SBNO2: variants seen among roughly 807,000 people sequenced by gnomAD.
SBNO2 encodes the protein strawberry notch homolog 2.
Under a neutral mutation model 146.3 loss-of-function variants are expected in SBNO2, and 89 were observed. The ratio of observed to expected loss-of-function variants is 0.61; its 90% CI spans 0.51 to 0.73. SBNO2 has a LOEUF of 0.73. Ranked by LOEUF, SBNO2 falls within the 30% of genes least tolerant of loss-of-function variation. SBNO2 has a pLI of 0.00. For synonymous variants in SBNO2, 1,147 were observed against 892.6 expected (o/e 1.29, Z -5.08); for missense variants, 2,092 against 2,003.7 (o/e 1.04, Z -0.84).
intron 5 of SBNO2, 67 bp from the exon 6 acceptor site, chr19:1,124,089 C>G (rs769101487): frequency 6.8e-7 from 1 of 1,471,542 alleles, no homozygotes; most frequent in African/African-American, 1.4e-5. Flanking sequence ...GCCCTCGCAG[C>G]CTGGCCACCA....
rs751023334 is a variant in SBNO2, at chr19:1,122,292, CACAGA to C, written c.1006-15_1006-11del. 22 of 1,553,340 alleles carry C rather than the reference CACAGA, an allele frequency of 1.4e-5. No homozygotes were observed. The Middle Eastern group carries it at 1.9e-3, about 133-fold the overall frequency. On this transcript the variant is annotated splice_polypyrimidine_tract_variant and intron_variant, in intron 10 of 31. Transcript: ENST00000361757. ...TGTCACCGTACTTGATCTGGGGATGCACAGAACAGGTGTGGAATGGGGCCCCGGCT... is the reference window on the plus strand; with the variant it reads ...TGTCACCGTACTTGATCTGGGGATGCACAGGTGTGGAATGGGGCCCCGGCT...
chr19:1,139,802 A>G (rs2080118475), intron 4 of SBNO2, among the ~76,000 whole-genome samples: 1 of 151,784 alleles, frequency 6.6e-6, no homozygotes, highest in African/African-American at 2.4e-5. Context: ...CTCAAAAATA[A>G]ATAAATATGG....
In SBNO2 at chr19:1,158,893, A is replaced by ACAGCCGCGACCCCACCTG. The variant is rs1568633658; in HGVS notation, c.-126-4509_-126-4492dup. On this transcript the variant is annotated intron_variant, in intron 1 of 31. Transcript: ENST00000361757. The surrounding 1 kb of genome is among the most constrained non-coding windows in gnomAD (Gnocchi z 9.9). ...CTCCTGCAGCTGTGACCGCCGCCCC[A>ACAGCCGCGACCCCACCTG]CAGCCGCGACCCCACCTGCAGCCGT... Among the ~76,000 whole-genome samples, 2 of 151,342 alleles carry ACAGCCGCGACCCCACCTG rather than the reference A, an allele frequency of 1.3e-5. No homozygotes were observed. The highest frequency in any genetic ancestry group is 1.3e-4 in the Admixed American group (2 of 15,216).
At position 1,122,489 on chromosome 19, in the gene SBNO2, G is replaced by T; in HGVS notation, c.984C>A (p.Ile328=). The T allele has an allele frequency of 6.4e-7, 1 of 1,573,554 alleles. No homozygotes were observed. Residue 328 remains isoleucine (I), a synonymous_variant, in exon 10 of 32, where the codon ATC becomes ATA. Coordinates refer to ENST00000361757, the MANE Select transcript of SBNO2 (RefSeq NM_014963.3). ...RDLRDIEATG[I]AVHALSKIKY... ...CTACCTTGCTGAGCGCGTGCACCGC[G>T]ATGCCCGTGGCTTCGATGTCCCGCA... is the stretch of plus-strand genomic sequence containing the variant.
In SBNO2 at chr19:1,108,174, G is replaced by A. The variant is rs779707635; in HGVS notation, c.*46C>T. 1.0e-5 allele frequency: 15 copies of A among 1,493,976 alleles called. No individual in the cohort carries two copies. The highest frequency in any genetic ancestry group is 4.2e-5 in the Admixed American group (2 of 47,414). The allele number at this position is 1,493,976 out of a possible 1,614,324, so 92.5% of individuals were successfully genotyped here. A position where few individuals can be genotyped will look rare whatever the true frequency, so the allele number is the denominator to read the frequency against. On this transcript the variant is annotated 3_prime_UTR_variant, in exon 32 of 32. Transcript: ENST00000361757. ...CTGCTCCCCACCGCTGCTCCTAGGGGAGAAACGGTCCCTGTGTCTTGGGGC... is the reference window on the plus strand; with the variant it reads ...CTGCTCCCCACCGCTGCTCCTAGGGAAGAAACGGTCCCTGTGTCTTGGGGC...
chr19:1,122,073 C>T lies in SBNO2; in HGVS notation c.1149+66G>A, dbSNP rs1283851868. 5 of 1,179,574 alleles carry T rather than the reference C, an allele frequency of 4.2e-6. No homozygotes were observed. In the East Asian group the frequency reaches 1.6e-4, roughly 37 times the overall value. 73.1% of individuals were successfully genotyped at this position (1,179,574 alleles called of 1,614,324 possible). A position where few individuals can be genotyped will look rare whatever the true frequency, so the allele number is the denominator to read the frequency against. On this transcript the variant is annotated intron_variant, in intron 11 of 31. Coordinates refer to ENST00000361757, the MANE Select transcript of SBNO2 (RefSeq NM_014963.3). ...CTCCCACCCCTCCTCTCCCACTCCTCCATCCTCCTTTTCCCTCCGACCCCC... is the reference window on the plus strand; with the variant it reads ...CTCCCACCCCTCCTCTCCCACTCCTTCATCCTCCTTTTCCCTCCGACCCCC...
chr19:1,151,417 C>T (rs1343362891), intron 2 of SBNO2, among the ~76,000 whole-genome samples: 1 of 152,180 alleles, frequency 6.6e-6, no homozygotes, highest in East Asian at 1.9e-4. Context: ...TCCTGACTGC[C>T]TCTATCCCCC....
At chr19:1,129,738 G>A (rs984559812) in intron 4 of SBNO2, among the ~76,000 whole-genome samples, 1 of 152,224 alleles carries the variant, frequency 6.6e-6, no homozygotes, top group Non-Finnish European at 1.5e-5. Flanking sequence ...AGGAGCGGGG[G>A]TGAGTTGCTA....
rs1019351065 is a variant in SBNO2 at position 1,110,114 on chromosome 19, G to A, written c.3029-337C>T. 1.3e-5 allele frequency among the ~76,000 whole-genome samples: 2 copies of A among 151,906 alleles called. No individual in the cohort carries two copies. Among genetic ancestry groups the A allele is most frequent in the Admixed American group, 6.6e-5 (1 of 15,266 alleles). ...GGTAACCCCAAGCAGGCTGTGAGGAGATTGTAGGAGCCTGGGGGCTGCTCA... is the reference window on the plus strand; with the variant it reads ...GGTAACCCCAAGCAGGCTGTGAGGAAATTGTAGGAGCCTGGGGGCTGCTCA... On this transcript the variant is annotated intron_variant, in intron 26 of 31. Transcript: ENST00000361757. The surrounding 1 kb of genome is among the most constrained non-coding windows in gnomAD (Gnocchi z 4.9).
intron 2 of SBNO2, among the ~76,000 whole-genome samples, chr19:1,153,343 T>C (rs1031665751): frequency 6.6e-6 from 1 of 151,418 alleles, no homozygotes; most frequent in African/African-American, 2.4e-5. Context: ...GTTCAAGCGA[T>C]TCTCCTGCCT....
At chr19:1,129,192 A>C (rs1045874602) in intron 4 of SBNO2, among the ~76,000 whole-genome samples, 2 of 152,126 alleles carry the variant, frequency 1.3e-5, no homozygotes, top group African/African-American at 2.4e-5. Flanking sequence ...GCTTGAACTC[A>C]GGAGGCAGAG....
At chr19:1,111,256 A>G (rs1227565292) in intron 24 of SBNO2, among the ~76,000 whole-genome samples, 163 bp from the exon 25 acceptor site, 1 of 152,180 alleles carries the variant, frequency 6.6e-6, no homozygotes, top group Non-Finnish European at 1.5e-5. Context: ...CCTGACTTAC[A>G]GGAGTGAGAA....
chr19:1,110,568 T>G lies in SBNO2; in HGVS notation c.3028+177A>C. 1 of 609,298 alleles carries G rather than the reference T, an allele frequency of 1.6e-6. No homozygotes were observed. Among genetic ancestry groups the G allele is most frequent in the Non-Finnish European group, 2.5e-6 (1 of 398,928 alleles). 37.7% of individuals were successfully genotyped at this position (609,298 alleles called of 1,614,324 possible). A position where few individuals can be genotyped will look rare whatever the true frequency, so the allele number is the denominator to read the frequency against. On this transcript the variant is annotated intron_variant, in intron 26 of 31. Transcript: ENST00000361757. This position sits in a 1 kb window ranked among gnomAD's most constrained non-coding sequence, Gnocchi z 4.9. ...CCACGAGCCCCGAGCCCACCTGGGA[T>G]GCCCGGCGTTCCCACGAGCCCCTCG...
At chr19:1,132,901 T>C (rs2080047419) in intron 4 of SBNO2, among the ~76,000 whole-genome samples, 1 of 152,172 alleles carries the variant, frequency 6.6e-6, no homozygotes. Context: ...GGTAGCGTCC[T>C]GGGAAAAGAA....
intron 1 of SBNO2, among the ~76,000 whole-genome samples, chr19:1,155,679 G>A (rs969454557): frequency 1.3e-5 from 2 of 152,194 alleles, no homozygotes; most frequent in Admixed American, 1.3e-4. Context: ...CCAAGCCTCG[G>A]TATGTTCCTC....
rs985429401 is a variant in SBNO2 at position 1,152,669 on chromosome 19, C to T, written c.93+1515G>A. On this transcript the variant is annotated intron_variant, in intron 2 of 31. Transcript: ENST00000361757. ...GTACCCTGGCCCCAGCTCAGAGCCCCCTCTGGACGGTCAGAACATGGCAGG... is the reference window on the plus strand; with the variant it reads ...GTACCCTGGCCCCAGCTCAGAGCCCTCTCTGGACGGTCAGAACATGGCAGG... Among the ~76,000 whole-genome samples the T allele has an allele frequency of 9.2e-5, 14 of 152,176 alleles. 1 individual carries two copies. The highest frequency in any genetic ancestry group is 9.2e-4 in the Admixed American group (14 of 15,282).
At chr19:1,162,459 CAAAA>C (rs71335341) in intron 1 of SBNO2, among the ~76,000 whole-genome samples, 2 of 134,170 alleles carry the variant, frequency 1.5e-5, no homozygotes, top group Non-Finnish European at 3.2e-5. Context: ...GACTCCGTCT[CAAAA>C]AAAAAAAAAG....
intron 12 of SBNO2, 123 bp downstream of exon 12, chr19:1,119,783 G>A: frequency 1.1e-6 from 1 of 951,172 alleles, no homozygotes; most frequent in Non-Finnish European, 1.6e-6. Context: ...AGGTGCCCCA[G>A]TGTCCGAGGA....
At position 1,112,729 on chromosome 19, in the gene SBNO2, T is replaced by G; in HGVS notation, c.2379+89A>C. On this transcript the variant is annotated intron_variant, in intron 20 of 31. Transcript: ENST00000361757. This position sits in a 1 kb window ranked among gnomAD's most constrained non-coding sequence, Gnocchi z 5.9. ...ACCTGGCACACACACACTCCAGAAG[T>G]GCGCGGGTCCACAGTCCCCGGGGAC... 1 of 1,473,822 alleles carries G rather than the reference T, an allele frequency of 6.8e-7. No homozygotes were observed. The highest frequency in any genetic ancestry group is 9.0e-7 in the Non-Finnish European group (1 of 1,109,712). 91.3% of individuals were successfully genotyped at this position (1,473,822 alleles called of 1,614,324 possible).
Sources: allele counts gnomAD v4.1 joint callset (sites outside exome capture counted in the v4.1 genomes callset), GRCh38; gene constraint gnomAD v4.1.1; non-coding constraint Gnocchi (gnomAD v3.1); transcripts MANE v1.5; gene names NCBI Gene and HGNC (gene_info 2026-07-23, HGNC 2026-07-21).